The following SH3RF3 variants were observed in gnomAD, a reference collection of about 807,000 sequenced individuals.
SH3RF3 encodes the protein E3 ubiquitin-protein ligase SH3RF3.
SH3RF3 carries 29 observed loss-of-function variants against 66.3 expected under a neutral mutation model. The ratio of observed to expected loss-of-function variants is 0.44; its 90% CI spans 0.33 to 0.60. The LOEUF (loss-of-function observed/expected upper bound fraction) is 0.60, where lower values mean the gene tolerates loss of function less well. SH3RF3 is among the 20% of genes least tolerant of loss of function. SH3RF3 has a pLI of 0.04. For missense variants in SH3RF3, 1,194 were observed against 1,190.9 expected, an observed-to-expected ratio of 1.00 and a Z score of -0.04; for synonymous variants, 583 against 532.0, an observed-to-expected ratio of 1.10 and a Z score of -1.32.
chr2:109,188,990 C>T (rs1678268212), intron 1 of SH3RF3, among the ~76,000 whole-genome samples: 1 of 151,958 alleles, frequency 6.6e-6, no homozygotes, highest in Admixed American at 6.6e-5. Flanking sequence ...GAAATGGAAG[C>T]TGCTTCTGAG....
intron 1 of SH3RF3, among the ~76,000 whole-genome samples, chr2:109,167,846 C>T (rs1478113650): frequency 6.6e-6 from 1 of 152,260 alleles, no homozygotes; most frequent in Non-Finnish European, 1.5e-5. Flanking sequence ...GCTGGGATTA[C>T]AGGCGTGAGC....
chr2:109,318,617 C>T (rs1559021001), intron 1 of SH3RF3, among the ~76,000 whole-genome samples: 1 of 152,226 alleles, frequency 6.6e-6, no homozygotes, highest in African/African-American at 2.4e-5. Context: ...CTCATGCTCA[C>T]ACTGGGGGCA....
intron 8 of SH3RF3, among the ~76,000 whole-genome samples, chr2:109,467,307 A>C (rs1299240532): frequency 6.6e-6 from 1 of 152,282 alleles, no homozygotes; most frequent in Admixed American, 6.5e-5. Context: ...CCCAGCAAGA[A>C]AAAGAAACCA....
chr2:109,129,606 C>G lies in SH3RF3; in HGVS notation c.66C>G (p.Gly22=), dbSNP rs1346723268. ...KAAAAAAQSE[G]DEDRPGERRR... ...CCGCCGCTGCTGCGCAGAGCGAGGG[C>G]GACGAGGACAGGCCAGGCGAGCGAC... is the stretch of plus-strand genomic sequence containing the variant. The change falls in exon 1 of 10, where the codon GGC becomes GGG. Residue 22 remains glycine (G), a synonymous_variant. Coordinates refer to ENST00000309415, the MANE Select transcript of SH3RF3 (RefSeq NM_001099289.3). 1 of 1,479,762 alleles carries G rather than the reference C, an allele frequency of 6.8e-7. No individual in the cohort carries two copies. The highest frequency in any genetic ancestry group is 1.5e-5 in the African/African-American group (1 of 67,950). The allele number at this position is 1,479,762 out of a possible 1,614,324, so 91.7% of individuals were successfully genotyped here.
intron 1 of SH3RF3, among the ~76,000 whole-genome samples, chr2:109,280,452 A>T (rs553362739): frequency 6.6e-6 from 1 of 152,234 alleles, no homozygotes; most frequent in African/African-American, 2.4e-5. Flanking sequence ...AGCAATAGGA[A>T]GGGGAGCGGT....
intron 1 of SH3RF3, among the ~76,000 whole-genome samples, chr2:109,171,422 CTT>C: frequency 6.6e-6 from 1 of 152,304 alleles, no homozygotes; most frequent in South Asian, 2.1e-4. Context: ...TGCATATTGA[CTT>C]GAAATACTCT....
chr2:109,131,657 C>A (rs1285912316), intron 1 of SH3RF3, among the ~76,000 whole-genome samples: 1 of 152,122 alleles, frequency 6.6e-6, no homozygotes, highest in African/African-American at 2.4e-5. Context: ...GATGCCACTC[C>A]GGGAATTCTG....
intron 1 of SH3RF3, among the ~76,000 whole-genome samples, chr2:109,279,459 T>G (rs1680833163): frequency 6.6e-6 from 1 of 152,186 alleles, no homozygotes; most frequent in African/African-American, 2.4e-5. Context: ...CACCTCACTT[T>G]AATGCTGCTA....
At chr2:109,331,168 C>G (rs1377118144) in intron 1 of SH3RF3, among the ~76,000 whole-genome samples, 1 of 152,178 alleles carries the variant, frequency 6.6e-6, no homozygotes, top group Non-Finnish European at 1.5e-5. Context: ...ACTTTTGGAT[C>G]TGTTCCCTGG....
intron 2 of SH3RF3, among the ~76,000 whole-genome samples, chr2:109,350,653 C>G (rs1262034490): frequency 6.6e-6 from 1 of 152,238 alleles, no homozygotes; most frequent in African/African-American, 2.4e-5. Flanking sequence ...CGCTCAGTTC[C>G]TGTTTTCCCC....
rs1023078005 is a variant in SH3RF3 at position 109,480,991 on chromosome 2, A to G, written c.2149-9614A>G. Among the ~76,000 whole-genome samples the G allele has an allele frequency of 2.6e-5, 4 of 152,326 alleles. No homozygotes were observed. In the East Asian group the frequency reaches 5.8e-4, roughly 22 times the overall value. On this transcript the variant is annotated intron_variant, in intron 8 of 9. Transcript: ENST00000309415. The stretch of plus-strand genomic sequence containing the variant: ...AGATACTTCAGCCATGGAAGGGAGA[A>G]CTGAAGAGCCAAGCTGTGTCATTGC...
At chr2:109,348,629 A>G (rs946067639) in intron 2 of SH3RF3, among the ~76,000 whole-genome samples, 1 of 152,146 alleles carries the variant, frequency 6.6e-6, no homozygotes, top group African/African-American at 2.4e-5. Context: ...TGGTCTTTAC[A>G]GCTGTCCCAG....
chr2:109,281,874 T>A (rs1346607562), intron 1 of SH3RF3, among the ~76,000 whole-genome samples: 3 of 152,094 alleles, frequency 2.0e-5, no homozygotes, highest in Non-Finnish European at 4.4e-5. Flanking sequence ...GAGCTGACGG[T>A]TCCCACTGAG....
At chr2:109,277,475 G>T (rs1463059482) in intron 1 of SH3RF3, among the ~76,000 whole-genome samples, 2 of 152,196 alleles carry the variant, frequency 1.3e-5, no homozygotes, top group Non-Finnish European at 2.9e-5. Flanking sequence ...TCCTACTTCT[G>T]CTAGGACATT....
chr2:109,133,998 G>A (rs1273177831), intron 1 of SH3RF3, among the ~76,000 whole-genome samples: 1 of 152,260 alleles, frequency 6.6e-6, no homozygotes, highest in East Asian at 1.9e-4. Flanking sequence ...AGGATAGAGG[G>A]TGTCTATGGT....
intron 1 of SH3RF3, among the ~76,000 whole-genome samples, chr2:109,276,100 C>T (rs895592623): frequency 2.0e-5 from 3 of 152,096 alleles, no homozygotes; most frequent in African/African-American, 4.8e-5. Context: ...AGGGGGATCT[C>T]GGACCCAGTG....
intron 7 of SH3RF3, among the ~76,000 whole-genome samples, chr2:109,445,951 G>A (rs542374389): frequency 3.3e-5 from 5 of 152,082 alleles, no homozygotes; most frequent in African/African-American, 4.8e-5. Flanking sequence ...AAGCTGCAGC[G>A]GGACTGAAAC....
rs116600559 is a variant in SH3RF3 at position 109,185,972 on chromosome 2, C to A, written c.573+55859C>A. ...CGTGCTTGGCCAGCAGAGGCCTGGCCTTGGCTGTCACGAGCACATTTCATA... is the reference window on the plus strand; with the variant it reads ...CGTGCTTGGCCAGCAGAGGCCTGGCATTGGCTGTCACGAGCACATTTCATA... On this transcript the variant is annotated intron_variant, in intron 1 of 9. Transcript: ENST00000309415. Among the ~76,000 whole-genome samples the A allele has an allele frequency of 8.5e-3, 1,299 of 152,262 alleles. 28 individuals are homozygous for A. The highest frequency in any genetic ancestry group is 0.03 in the African/African-American group (1,230 of 41,536).
At chr2:109,220,967 A>C (rs1679219108) in intron 1 of SH3RF3, among the ~76,000 whole-genome samples, 1 of 152,240 alleles carries the variant, frequency 6.6e-6, no homozygotes, top group South Asian at 2.1e-4. Context: ...ATATGTGTAC[A>C]CCAATGTTCA....
Sources: gnomAD v4.1 joint callset for allele counts (sites outside exome capture counted in the v4.1 genomes callset) on GRCh38, gnomAD v4.1.1 for gene constraint, MANE v1.5 for transcripts, NCBI Gene and HGNC (gene_info 2026-07-23, HGNC 2026-07-21) for gene names.